UBXN7: variants seen among roughly 807,000 people sequenced by gnomAD.
UBXN7 encodes the protein UBX domain protein 7.
A neutral mutation model predicts 58.0 loss-of-function variants in UBXN7; 9 were observed. The ratio of observed to expected loss-of-function variants is 0.16; its 90% CI spans 0.09 to 0.27. The LOEUF is 0.27. Ranked by LOEUF, UBXN7 falls within the 10% of genes least tolerant of loss-of-function variation. The pLI, the probability that UBXN7 is intolerant of heterozygous loss-of-function variation, is 1.00. For missense variants in UBXN7, 328 were observed against 599.6 expected (o/e 0.55, Z 4.73); for synonymous variants, 208 against 205.0 (o/e 1.01, Z -0.12).
intron 2 of UBXN7, among the ~76,000 whole-genome samples, chr3:196,404,775 C>G (rs1730108076): frequency 6.6e-6 from 1 of 152,134 alleles, no homozygotes; most frequent in South Asian, 2.1e-4. Flanking sequence ...GTACCCTTTC[C>G]TACTGCTCAC....
chr3:196,358,143 G>A (rs894319285), intron 10 of UBXN7, among the ~76,000 whole-genome samples: 33 of 152,180 alleles, frequency 2.2e-4, no homozygotes, highest in African/African-American at 7.7e-4. Context: ...AACCACGTGC[G>A]AGCTGAGGAA....
intron 3 of UBXN7, among the ~76,000 whole-genome samples, chr3:196,401,816 A>AG (rs1560235821): frequency 2.8e-4 from 37 of 132,186 alleles, no homozygotes; most frequent in African/African-American, 9.4e-4. Context: ...AAGAAAAGAA[A>AG]AGAGAAGAGA....
chr3:196,359,498 A>G (rs1194998418), intron 10 of UBXN7, among the ~76,000 whole-genome samples: 2 of 152,250 alleles, frequency 1.3e-5, no homozygotes, highest in Non-Finnish European at 2.9e-5. Context: ...TGAGAAAGGC[A>G]CGTGGAAAGC....
chr3:196,381,356 G>T (rs1729199679), intron 5 of UBXN7, among the ~76,000 whole-genome samples: 1 of 152,218 alleles, frequency 6.6e-6, no homozygotes, highest in South Asian at 2.1e-4. Flanking sequence ...GGTCTGGAGT[G>T]AAACTCCTGC....
At chr3:196,393,647 A>C in intron 3 of UBXN7, 28 bp from the exon 4 acceptor site, 1 of 1,585,124 alleles carries the variant, frequency 6.3e-7, no homozygotes, top group Middle Eastern at 1.7e-4. Context: ...AGAATTGAAA[A>C]TTTTTTAAAT....
chr3:196,392,003 A>C, intron 4 of UBXN7, 78 bp from the exon 5 acceptor site: 5 of 819,764 alleles, frequency 6.1e-6, no homozygotes, highest in Middle Eastern at 2.9e-4. Context: ...AAAAACACAA[A>C]CTTCTGTCAA....
Position 196,356,865 on chromosome 3 carries a change from G to A in UBXN7, c.1309-19C>T. 6.3e-7 allele frequency: 1 copy of A among 1,592,968 alleles called. No individual in the cohort carries two copies. The highest frequency in any genetic ancestry group is 2.3e-5 in the East Asian group (1 of 44,350). On this transcript the variant is annotated intron_variant, in intron 10 of 10. Coordinates refer to ENST00000296328, the MANE Select transcript of UBXN7 (RefSeq NM_015562.2). ...CCAAAGCCTATAAAAACAAGAGAAA[G>A]ACAAAGCCATTAGACGGAAAAAGAG...
At chr3:196,412,002 G>T (rs1357522864) in intron 1 of UBXN7, among the ~76,000 whole-genome samples, 2 of 152,046 alleles carry the variant, frequency 1.3e-5, no homozygotes, top group African/African-American at 4.8e-5. Context: ...GCTGAGGTAG[G>T]TGGATCATTT....
At chr3:196,367,072 A>G (rs568895200) in intron 8 of UBXN7, among the ~76,000 whole-genome samples, 6 of 152,072 alleles carry the variant, frequency 3.9e-5, no homozygotes, top group Admixed American at 3.3e-4. Flanking sequence ...AATCCCAGCT[A>G]CTTGGGAGGC....
chr3:196,361,828 G>A lies in UBXN7; in HGVS notation c.1308+16C>T. 1 of 1,611,402 alleles carries A rather than the reference G, an allele frequency of 6.2e-7. No individual in the cohort carries two copies. ...TTGCAGTGGTCGGAACTGAACCAAA[G>A]CAAGCCTGTACTTACTAGCAGTTTA... On this transcript the variant is annotated intron_variant, in intron 10 of 10. Transcript: ENST00000296328.
chr3:196,406,580 CA>C, intron 2 of UBXN7, among the ~76,000 whole-genome samples: 1 of 152,112 alleles, frequency 6.6e-6, no homozygotes, highest in East Asian at 1.9e-4. Context: ...GCTGGGATTA[CA>C]GGCGCATGCC....
At chr3:196,384,854 G>A (rs1184426205) in intron 5 of UBXN7, among the ~76,000 whole-genome samples, 1 of 152,108 alleles carries the variant, frequency 6.6e-6, no homozygotes, top group East Asian at 1.9e-4. Context: ...ATACTGAATG[G>A]GCAAAAACTG....
Position 196,350,641 on chromosome 3 carries a change from A to T in UBXN7, c.*6044T>A, listed in dbSNP as rs1008403624. On this transcript the variant is annotated 3_prime_UTR_variant, in exon 11 of 11. Coordinates refer to ENST00000296328, the MANE Select transcript of UBXN7 (RefSeq NM_015562.2). Reference sequence around the variant, plus strand: ...CAAGGCCATTATAATCTCTATTTTTAAAAAGACATCAAGAAATTCTTGATT... The same window carrying T: ...CAAGGCCATTATAATCTCTATTTTTTAAAAGACATCAAGAAATTCTTGATT... 2 of 92,656 alleles carry T rather than the reference A, an allele frequency of 2.2e-5. No individual in the cohort carries two copies. Among genetic ancestry groups the T allele is most frequent in the African/African-American group, 7.5e-5 (2 of 26,844 alleles). The allele number at this position is 92,656 out of a possible 1,614,324, so 5.7% of individuals were successfully genotyped here.
At chr3:196,356,975 T>C (rs374725312) in intron 10 of UBXN7, 129 bp from the exon 11 acceptor site, 240 of 1,250,264 alleles carry the variant, frequency 1.9e-4, no homozygotes, top group Non-Finnish European at 2.4e-4. Flanking sequence ...TCTTCTTTCA[T>C]ATAACCAAAG....
chr3:196,430,580 CCTCA>C (rs1040851718), intron 1 of UBXN7, among the ~76,000 whole-genome samples: 2 of 151,896 alleles, frequency 1.3e-5, no homozygotes, highest in African/African-American at 4.8e-5. Context: ...AGAGATGGGG[CCTCA>C]CTATGTTTTG....
chr3:196,382,845 A>T (rs148174005), intron 5 of UBXN7, among the ~76,000 whole-genome samples: 1 of 152,214 alleles, frequency 6.6e-6, no homozygotes, highest in East Asian at 1.9e-4. Context: ...GCCGGGCACA[A>T]TGGCTCATGC....
intron 1 of UBXN7, 89 bp from the exon 2 acceptor site, chr3:196,407,482 A>T: frequency 1.4e-6 from 2 of 1,470,200 alleles, no homozygotes; most frequent in Non-Finnish European, 1.8e-6. Flanking sequence ...TTCCCAAGTA[A>T]ATTAATAGTA....
rs1211429885 is a variant in UBXN7 at position 196,406,036 on chromosome 3, GT to G, written c.221+1209del. Among the ~76,000 whole-genome samples, 17 of 146,406 alleles carry G rather than the reference GT, an allele frequency of 1.2e-4. No homozygotes were observed. In the South Asian group the frequency reaches 1.5e-3, roughly 13 times the overall value. On this transcript the variant is annotated intron_variant, in intron 2 of 10. Transcript: ENST00000296328. ...GTTTTTTGTGTTTTTTTTGTTTTTTGTTTTTTTTTTGAGACAGGAGGCCTCA... is the reference window on the plus strand; with the variant it reads ...GTTTTTTGTGTTTTTTTTGTTTTTTGTTTTTTTTTGAGACAGGAGGCCTCA...
At chr3:196,406,740 A>G (rs1730175522) in intron 2 of UBXN7, among the ~76,000 whole-genome samples, 1 of 152,158 alleles carries the variant, frequency 6.6e-6, no homozygotes, top group Non-Finnish European at 1.5e-5. Context: ...CACCGCGCCC[A>G]GCCTAGCTTC....
Sources: gnomAD v4.1 joint callset for allele counts (sites outside exome capture counted in the v4.1 genomes callset) on GRCh38, gnomAD v4.1.1 for gene constraint, MANE v1.5 for transcripts, NCBI Gene and HGNC (gene_info 2026-07-23, HGNC 2026-07-21) for gene names.